The following MGAT4A variants were observed in gnomAD, a reference collection of about 807,000 sequenced individuals.
MGAT4A encodes N-acetylglucosaminyltransferase IVa.
Under a neutral mutation model 74.1 loss-of-function variants are expected in MGAT4A, and 33 were observed. That is an observed-to-expected ratio of 0.45 (90% CI 0.34 to 0.60). MGAT4A has a LOEUF of 0.60. MGAT4A is among the 20% of genes least tolerant of loss of function. The pLI is 0.02. For synonymous variants in MGAT4A, 198 were observed against 210.4 expected (o/e 0.94, Z 0.51); for missense variants, 479 against 628.3 (o/e 0.76, Z 2.54).
At chr2:98,678,500 A>G (rs761827780) in intron 2 of MGAT4A, 29 bp from the exon 3 acceptor site, 3 of 1,454,940 alleles carry the variant, frequency 2.1e-6, no homozygotes, top group African/African-American at 1.4e-5. Flanking sequence ...CAGTTATAGT[A>G]TATGTCTTAA....
intron 7 of MGAT4A, 140 bp downstream of exon 7, chr2:98,656,212 G>T (rs940697767): frequency 1.6e-6 from 1 of 624,080 alleles, no homozygotes; most frequent in Admixed American, 3.1e-5. Flanking sequence ...ATTTCCAAGC[G>T]GTCCTGGACT....
In MGAT4A at chr2:98,620,544, T is replaced by C. The variant is rs912034694; in HGVS notation, c.*5022A>G. On this transcript the variant is annotated 3_prime_UTR_variant, in exon 16 of 16. Transcript: ENST00000393487. ...ACCAAAATAAAACTTCATTAGCTAT[T>C]AATGGCTTGGAAGCAGAGAGGTATT... The C allele has an allele frequency of 6.6e-6, 1 of 152,188 alleles. No homozygotes were observed. The highest frequency in any genetic ancestry group is 1.5e-5 in the Non-Finnish European group (1 of 68,032). 9.4% of individuals were successfully genotyped at this position (152,188 alleles called of 1,614,324 possible). A position where few individuals can be genotyped will look rare whatever the true frequency, so the allele number is the denominator to read the frequency against.
At chr2:98,659,994 T>G (rs1376796965) in intron 5 of MGAT4A, among the ~76,000 whole-genome samples, 1 of 72,416 alleles carries the variant, frequency 1.4e-5, no homozygotes, top group Non-Finnish European at 2.4e-5. Flanking sequence ...AGCTTAATCC[T>G]GGAAATTGCA....
chr2:98,718,194 C>T, intron 2 of MGAT4A, among the ~76,000 whole-genome samples: 1 of 130,644 alleles, frequency 7.7e-6, no homozygotes, highest in South Asian at 2.5e-4. Context: ...GACTCTTACA[C>T]GTGATGGCAT....
At chr2:98,712,261 A>G (rs1232236802) in intron 2 of MGAT4A, among the ~76,000 whole-genome samples, 1 of 152,196 alleles carries the variant, frequency 6.6e-6, no homozygotes, top group East Asian at 1.9e-4. Flanking sequence ...GCTTCTTGTG[A>G]GAATCCTTTC....
Position 98,622,360 on chromosome 2 carries a change from T to C in MGAT4A, c.*3206A>G. 1.0e-6 allele frequency: 1 copy of C among 985,476 alleles called. No homozygotes were observed. The highest frequency in any genetic ancestry group is 1.2e-6 in the Non-Finnish European group (1 of 829,948). The allele number at this position is 985,476 out of a possible 1,614,324, so 61.0% of individuals were successfully genotyped here. ...GGCCACTGAGTACTTGGAATGTCAC[T>C]AGTGTGTGTGATGGCAGAACCGGGT... On this transcript the variant is annotated 3_prime_UTR_variant, in exon 16 of 16. Transcript: ENST00000393487.
rs1323639065 is a variant in MGAT4A, at chr2:98,663,136, T to C, written c.447A>G (p.Lys149=). The C allele has an allele frequency of 6.2e-7, 1 of 1,603,900 alleles. No individual in the cohort carries two copies. The highest frequency in any genetic ancestry group is 1.3e-5 in the African/African-American group (1 of 74,632). The change falls in exon 5 of 16, where the codon AAA becomes AAG. Residue 149 remains lysine (K), a synonymous_variant. Coordinates refer to ENST00000393487, the MANE Select transcript of MGAT4A (RefSeq NM_012214.3). ...MGIPTVKREV[K]SYLIETLHSL... is the part of the protein sequence containing the mutation. ...AATGAAGAGTTTCTATGAGGTAAGATTTAACTTCTCTCTTCACTGTGGGAA... is the reference window on the plus strand; with the variant it reads ...AATGAAGAGTTTCTATGAGGTAAGACTTAACTTCTCTCTTCACTGTGGGAA...
Position 98,624,768 on chromosome 2 carries a change from T to G in MGAT4A, c.*798A>C. On this transcript the variant is annotated 3_prime_UTR_variant, in exon 16 of 16. Transcript: ENST00000393487. Reference sequence around the variant, plus strand: ...GGTTGAATGCATCACACTTACACATTGAAAATTTATCAGACTGACTTTCTG... The same window carrying G: ...GGTTGAATGCATCACACTTACACATGGAAAATTTATCAGACTGACTTTCTG... 1 of 984,496 alleles carries G rather than the reference T, an allele frequency of 1.0e-6. No individual in the cohort carries two copies. Among genetic ancestry groups the G allele is most frequent in the Non-Finnish European group, 1.2e-6 (1 of 828,688 alleles). 61.0% of individuals were successfully genotyped at this position (984,496 alleles called of 1,614,324 possible).
chr2:98,686,229 C>G (rs1397171525), intron 2 of MGAT4A, among the ~76,000 whole-genome samples: 1 of 152,076 alleles, frequency 6.6e-6, no homozygotes, highest in Non-Finnish European at 1.5e-5. Context: ...AAATGGGGCT[C>G]ATAGATATAC....
At chr2:98,681,249 G>A (rs1302211634) in intron 2 of MGAT4A, among the ~76,000 whole-genome samples, 1 of 152,138 alleles carries the variant, frequency 6.6e-6, no homozygotes, top group African/African-American at 2.4e-5. Flanking sequence ...CCAAAGTGCT[G>A]GGATTACAGA....
chr2:98,710,419 T>C (rs912681394), intron 2 of MGAT4A, among the ~76,000 whole-genome samples: 20 of 152,158 alleles, frequency 1.3e-4, no homozygotes, highest in African/African-American at 4.3e-4. Flanking sequence ...AATGCAAAAA[T>C]TTAAAGACAA....
intron 2 of MGAT4A, among the ~76,000 whole-genome samples, chr2:98,722,646 T>C (rs1702692828): frequency 6.6e-6 from 1 of 152,218 alleles, no homozygotes; most frequent in Non-Finnish European, 1.5e-5. Context: ...TCTGTGAATA[T>C]ACCAAAAACC....
chr2:98,643,985 G>A lies in MGAT4A; in HGVS notation c.958C>T (p.Pro320Ser). 1 of 1,600,746 alleles carries A rather than the reference G, an allele frequency of 6.2e-7. No individual in the cohort carries two copies. Among genetic ancestry groups the A allele is most frequent in the Non-Finnish European group, 8.5e-7 (1 of 1,170,958 alleles). ...ATATGGTCCAGGAGCCAATCAATGG[G>A]TTTCTCCTTGTAAAACATGAATATG... ...EFIFMFYKEKPIDWLLDHILW... is the reference protein window; with the variant it reads ...EFIFMFYKEKSIDWLLDHILW... The change falls in exon 10 of 16, where the codon CCC (proline) becomes TCC (serine). Residue 320 changes from proline to serine, a missense_variant. This residue lies in a region of MGAT4A where 236 missense variants were observed against 308.2 expected (regional missense o/e 0.77). Coordinates refer to ENST00000393487, the MANE Select transcript of MGAT4A (RefSeq NM_012214.3).
At chr2:98,682,016 T>C (rs1017044106) in intron 2 of MGAT4A, among the ~76,000 whole-genome samples, 1 of 151,462 alleles carries the variant, frequency 6.6e-6, no homozygotes, top group Non-Finnish European at 1.5e-5. Context: ...AAAATACAAA[T>C]CCATGAGTCC....
intron 14 of MGAT4A, among the ~76,000 whole-genome samples, chr2:98,628,326 T>TCC (rs776279643): frequency 2.4e-4 from 37 of 152,368 alleles, no homozygotes; most frequent in South Asian, 1.2e-3. Flanking sequence ...CTGATATTGC[T>TCC]CCCAATGTCC....
chr2:98,706,779 C>T (rs1702443783), intron 2 of MGAT4A, among the ~76,000 whole-genome samples: 1 of 150,844 alleles, frequency 6.6e-6, no homozygotes, highest in Non-Finnish European at 1.5e-5. Flanking sequence ...TATAAAAATG[C>T]ATTACAGGAG....
At chr2:98,656,851 G>A (rs914712842) in intron 6 of MGAT4A, among the ~76,000 whole-genome samples, 15 of 151,842 alleles carry the variant, frequency 9.9e-5, no homozygotes, top group Non-Finnish European at 1.5e-4. Flanking sequence ...CTTTAAATAC[G>A]TATATTTTGC....
At chr2:98,723,887 C>T (rs776584516) in intron 2 of MGAT4A, among the ~76,000 whole-genome samples, 6 of 152,214 alleles carry the variant, frequency 3.9e-5, no homozygotes, top group Admixed American at 1.3e-4. Flanking sequence ...TGAATTCAAA[C>T]TTTAACTCCA....
At chr2:98,652,609 G>C (rs1274538807) in intron 8 of MGAT4A, among the ~76,000 whole-genome samples, 1 of 151,942 alleles carries the variant, frequency 6.6e-6, no homozygotes, top group African/African-American at 2.4e-5. Flanking sequence ...GGGATTACAG[G>C]CGTGGGCCAC....
Sources: gnomAD v4.1 joint callset for allele counts (sites outside exome capture counted in the v4.1 genomes callset) on GRCh38, gnomAD v4.1.1 for gene constraint, gnomAD v4.1.1 regional missense constraint, MANE v1.5 for transcripts, NCBI Gene and HGNC (gene_info 2026-07-23, HGNC 2026-07-21) for gene names.